KAZN: variants seen among roughly 807,000 people sequenced by gnomAD.
KAZN encodes the protein kazrin, periplakin interacting protein.
A neutral mutation model predicts 87.4 loss-of-function variants in KAZN; 40 were observed. The observed-to-expected ratio is 0.46, with a 90% confidence interval of 0.36 to 0.60. KAZN has a LOEUF of 0.60. Among genes scored for constraint, KAZN ranks in the 20% least tolerant of loss-of-function variants. KAZN has a pLI of 0.00. For synonymous variants in KAZN, 466 were observed against 458.3 expected (o/e 1.02, Z -0.22); for missense variants, 898 against 1,073.9 (o/e 0.84, Z 2.29).
intron 1 of KAZN, among the ~76,000 whole-genome samples, chr1:13,985,594 A>G (rs1274068646): frequency 6.7e-6 from 1 of 150,348 alleles, no homozygotes; most frequent in East Asian, 2.0e-4. Flanking sequence ...ATTGGGAGAT[A>G]TACCTAATGC....
At chr1:14,836,283 G>T (rs1647258498) in intron 1 of KAZN, among the ~76,000 whole-genome samples, 1 of 152,120 alleles carries the variant, frequency 6.6e-6, no homozygotes, top group East Asian at 1.9e-4. Flanking sequence ...TCTGGTCCAG[G>T]TCCCCAGGTC....
chr1:15,094,770 C>T lies in KAZN; in HGVS notation c.1429-45C>T, dbSNP rs939062318. 1.7e-5 allele frequency: 24 copies of T among 1,434,058 alleles called. No individual in the cohort carries two copies. The highest frequency in any genetic ancestry group is 4.2e-5 in the African/African-American group (3 of 70,764). The allele number at this position is 1,434,058 out of a possible 1,614,324, so 88.8% of individuals were successfully genotyped here. On this transcript the variant is annotated intron_variant, in intron 9 of 14. Transcript: ENST00000376030. This position sits in a 1 kb window ranked among gnomAD's most constrained non-coding sequence, Gnocchi z 4.5. ...ACCCCCTCTAGGGCAGGAACCCCGCCGGCAGCTGTCCCAGCCCCCATATGA... is the reference window on the plus strand; with the variant it reads ...ACCCCCTCTAGGGCAGGAACCCCGCTGGCAGCTGTCCCAGCCCCCATATGA...
intron 1 of KAZN, among the ~76,000 whole-genome samples, chr1:14,125,969 G>T (rs1306855790): frequency 1.5e-5 from 2 of 132,336 alleles, no homozygotes; most frequent in South Asian, 2.9e-4. Context: ...GGGGTGGGGT[G>T]GGGGGTGGGA....
At chr1:14,524,609 G>A (rs1007284357) in intron 2 of KAZN, among the ~76,000 whole-genome samples, 1 of 151,940 alleles carries the variant, frequency 6.6e-6, no homozygotes, top group African/African-American at 2.4e-5. Context: ...TTATCTAATG[G>A]CCAACCTGGA....
Position 14,022,594 on chromosome 1 carries a change from A to G in KAZN, c.91+128838A>G, listed in dbSNP as rs142517176. Among the ~76,000 whole-genome samples the G allele has an allele frequency of 6.6e-5, 10 of 151,568 alleles. 1 individual carries two copies. The East Asian group carries it at 1.9e-3, about 29-fold the overall frequency. ...TCGTATGATGCAGCGTTTCTATAAT[A>G]TTGTTTTTGTATTATTATATATAAT... On this transcript the variant is annotated intron_variant, in intron 1 of 16. Transcript: ENST00000636203.
chr1:14,444,040 G>T (rs1204011258), intron 2 of KAZN, among the ~76,000 whole-genome samples: 4 of 152,142 alleles, frequency 2.6e-5, no homozygotes, highest in Non-Finnish European at 5.9e-5. Flanking sequence ...TGTACTAACT[G>T]CAGAGTATAT....
At chr1:14,161,473 T>C (rs952745045) in intron 1 of KAZN, among the ~76,000 whole-genome samples, 2 of 152,258 alleles carry the variant, frequency 1.3e-5, no homozygotes, top group African/African-American at 4.8e-5. Context: ...TGCCTTACCA[T>C]GTGGACCTTT....
chr1:14,539,258 G>A (rs1672672690), intron 2 of KAZN, among the ~76,000 whole-genome samples: 1 of 152,188 alleles, frequency 6.6e-6, no homozygotes, highest in Non-Finnish European at 1.5e-5. Context: ...CAAAGGATAT[G>A]GTAGAATTTG....
chr1:14,789,014 T>C (rs1721831), intron 1 of KAZN, among the ~76,000 whole-genome samples: 144,193 of 152,302 alleles, frequency 0.95, 68,361 homozygotes, highest in African/African-American at 0.98. Context: ...AGTGAGTAGA[T>C]AATCTGGCTC....
Position 14,642,123 on chromosome 1 carries a change from G to A in KAZN, c.226+42900G>A, listed in dbSNP as rs188072438. Among the ~76,000 whole-genome samples, 77 of 152,366 alleles carry A rather than the reference G, an allele frequency of 5.1e-4. 1 individual carries two copies. In the East Asian group the frequency reaches 0.015, roughly 29 times the overall value. On this transcript the variant is annotated intron_variant, in intron 1 of 14. Transcript: ENST00000376030. ...GCAAATTAAAACCACAGTGAGGCCA[G>A]GCATGGTGGCTTAAGCCTGTAATCC...
At chr1:13,936,465 C>T (rs149324265) in intron 1 of KAZN, among the ~76,000 whole-genome samples, 8 of 152,132 alleles carry the variant, frequency 5.3e-5, no homozygotes, top group African/African-American at 1.9e-4. Flanking sequence ...TTTAATGTAT[C>T]CATCACTTGA....
intron 3 of KAZN, among the ~76,000 whole-genome samples, chr1:15,040,792 CAA>C (rs970927074): frequency 6.7e-6 from 1 of 150,020 alleles, no homozygotes; most frequent in African/African-American, 2.4e-5. Context: ...AAAAAGGAAA[CAA>C]AAACAAACAA....
intron 2 of KAZN, among the ~76,000 whole-genome samples, chr1:14,331,728 T>C (rs1220716409): frequency 1.3e-5 from 2 of 152,166 alleles, no homozygotes; most frequent in Non-Finnish European, 2.9e-5. Flanking sequence ...CATCTAACCA[T>C]ATGCTGCTAT....
At chr1:14,032,348 C>T (rs1641364106) in intron 1 of KAZN, among the ~76,000 whole-genome samples, 1 of 152,164 alleles carries the variant, frequency 6.6e-6, no homozygotes, top group Admixed American at 6.5e-5. Flanking sequence ...ACTGAGGCAT[C>T]AGAAGGTAGA....
At chr1:15,033,863 C>G (rs1232059146) in intron 2 of KAZN, among the ~76,000 whole-genome samples, 1 of 152,116 alleles carries the variant, frequency 6.6e-6, no homozygotes, top group Non-Finnish European at 1.5e-5. Context: ...CTCAGCCTCC[C>G]GAATAACTGG....
intron 2 of KAZN, among the ~76,000 whole-genome samples, chr1:15,007,056 CAAAAAAAAA>C (rs35245453): frequency 1.8e-4 from 12 of 67,912 alleles, no homozygotes; most frequent in African/African-American, 5.9e-4. Flanking sequence ...GACTCCGTCT[CAAAAAAAAA>C]AAAAAAAAAA....
At position 15,094,554 on chromosome 1, in the gene KAZN, G is replaced by A. The variant is rs1314465410; in HGVS notation, c.1428+169G>A. ...TGTACCTGCTCATTGTGCCTCCCTG[G>A]CAAGGCAGAGAGCCCTCAGCTGCCT... On this transcript the variant is annotated intron_variant, in intron 9 of 14. Transcript: ENST00000376030. This position sits in a 1 kb window ranked among gnomAD's most constrained non-coding sequence, Gnocchi z 4.5. 6.6e-6 allele frequency among the ~76,000 whole-genome samples: 1 copy of A among 152,166 alleles called. No homozygotes were observed. Among genetic ancestry groups the A allele is most frequent in the East Asian group, 1.9e-4 (1 of 5,196 alleles).
chr1:14,745,035 G>A (rs953949493), intron 1 of KAZN, among the ~76,000 whole-genome samples: 4 of 152,088 alleles, frequency 2.6e-5, no homozygotes, highest in African/African-American at 9.7e-5. Context: ...AAGTTCAAGT[G>A]GCAGGAGATG....
At chr1:14,046,910 G>A (rs796766662) in intron 1 of KAZN, among the ~76,000 whole-genome samples, 3 of 152,210 alleles carry the variant, frequency 2.0e-5, no homozygotes, top group South Asian at 2.1e-4. Context: ...ATCAGGGAGG[G>A]ACAATCGGAA....
Sources: gnomAD v4.1 joint callset for allele counts (sites outside exome capture counted in the v4.1 genomes callset) on GRCh38, gnomAD v4.1.1 for gene constraint, Gnocchi (gnomAD v3.1) non-coding constraint, MANE v1.5 for transcripts, NCBI Gene and HGNC (gene_info 2026-07-23, HGNC 2026-07-21) for gene names.